Variants in EFHC2 observed in about 807,000 individuals in gnomAD.
The protein encoded by EFHC2 is EF-hand domain containing 2.
In EFHC2, 18 loss-of-function variants were observed where a neutral mutation model predicts 52.7. That is an observed-to-expected ratio of 0.34 (90% CI 0.24 to 0.51). EFHC2 has a LOEUF of 0.51. EFHC2 is among the 20% of genes least tolerant of loss of function. The probability of loss-of-function intolerance (pLI) is 0.97; values close to 1 mark genes in which losing one functional copy is unlikely to be tolerated. For synonymous variants in EFHC2, 203 were observed against 204.1 expected (o/e 0.99, Z 0.04); for missense variants, 513 against 562.5 (o/e 0.91, Z 0.89).
chrX:44,301,292 A>T (rs1419647380), intron 2 of EFHC2, among the ~76,000 whole-genome samples: 1 of 107,732 alleles, frequency 9.3e-6, no homozygotes, highest in African/African-American at 3.4e-5. Context: ...TTCCAACCTG[A>T]CCAATCAGCA....
chrX:44,157,779 C>A (rs757440813), intron 14 of EFHC2, among the ~76,000 whole-genome samples: 1 of 102,931 alleles, frequency 9.7e-6, no homozygotes, highest in Admixed American at 1.1e-4. Flanking sequence ...CCTACCCACC[C>A]CGTCAACAGT....
chrX:44,165,998 T>C (rs1220062843), intron 13 of EFHC2, among the ~76,000 whole-genome samples: 1 of 111,932 alleles, frequency 8.9e-6, no homozygotes, highest in Non-Finnish European at 1.9e-5. Context: ...GTCATCTTGG[T>C]CTTGGACATC....
At chrX:44,310,183 C>T (rs1309024514) in intron 2 of EFHC2, 19 of 706,889 alleles carry the variant, frequency 2.7e-5, no homozygotes, top group Non-Finnish European at 3.7e-5. Flanking sequence ...CAGAAGGAAG[C>T]CTCCGCCTTC....
chrX:44,172,463 G>C (rs976523309), intron 13 of EFHC2, among the ~76,000 whole-genome samples: 87 of 112,814 alleles, frequency 7.7e-4, no homozygotes, highest in African/African-American at 2.6e-3. Flanking sequence ...TCAGGAAACA[G>C]TAGAGTTGAC....
chrX:44,309,008 G>A (rs368494732), intron 2 of EFHC2, among the ~76,000 whole-genome samples: 2 of 112,817 alleles, frequency 1.8e-5, no homozygotes, highest in Non-Finnish European at 1.9e-5. Flanking sequence ...TCAACTCCCT[G>A]TGCTGGTTAA....
Position 44,295,926 on chromosome X carries a change from C to T in EFHC2, c.231+16642G>A, listed in dbSNP as rs1023008183. Among the ~76,000 whole-genome samples the T allele has an allele frequency of 2.7e-5, 3 of 111,769 alleles. No homozygotes were observed. In the East Asian group the frequency reaches 8.5e-4, roughly 31 times the overall value. ...ATAGCAATTGAAAATCCTGTTTCATCTTCACTTAGACCTCCAAGGAAAATC... is the reference window on the plus strand; with the variant it reads ...ATAGCAATTGAAAATCCTGTTTCATTTTCACTTAGACCTCCAAGGAAAATC... On this transcript the variant is annotated intron_variant, in intron 2 of 14. Coordinates refer to ENST00000420999, the MANE Select transcript of EFHC2 (RefSeq NM_025184.4).
In EFHC2 at chrX:44,248,587, A is replaced by C. The variant is rs755485941; in HGVS notation, c.973-177T>G. On this transcript the variant is annotated intron_variant, in intron 6 of 14. Transcript: ENST00000420999. The stretch of plus-strand genomic sequence containing the variant: ...TAATATTCTAAAGTATTATTTTAGC[A>C]CTGTAGTATTATACTTACAAACTGC... Among the ~76,000 whole-genome samples, 35 of 112,739 alleles carry C rather than the reference A, an allele frequency of 3.1e-4. No individual in the cohort carries two copies. The South Asian group carries it at 3.6e-3, about 12-fold the overall frequency.
chrX:44,335,922 C>T (rs1231420793), intron 1 of EFHC2, among the ~76,000 whole-genome samples: 3 of 99,013 alleles, frequency 3.0e-5, no homozygotes, highest in African/African-American at 1.1e-4. Context: ...ACTTTCAAAA[C>T]TCATCAGGCG....
intron 11 of EFHC2, among the ~76,000 whole-genome samples, chrX:44,223,064 G>A (rs2147314217): frequency 8.9e-6 from 1 of 111,896 alleles, no homozygotes; most frequent in South Asian, 3.7e-4. Flanking sequence ...TATATTTGGG[G>A]AAATTCCCAC....
intron 3 of EFHC2, among the ~76,000 whole-genome samples, chrX:44,262,607 G>A (rs752316053): frequency 9.1e-6 from 1 of 109,544 alleles, no homozygotes; most frequent in East Asian, 2.9e-4. Flanking sequence ...CTACTTGCAA[G>A]ATGAGAAGTT....
At chrX:44,203,000 C>T (rs2037018650) in intron 11 of EFHC2, among the ~76,000 whole-genome samples, 1 of 111,241 alleles carries the variant, frequency 9.0e-6, no homozygotes, top group Non-Finnish European at 1.9e-5. Flanking sequence ...CAGCAGATCT[C>T]CCCACCAGGG....
intron 1 of EFHC2, among the ~76,000 whole-genome samples, chrX:44,315,016 C>T (rs1050010198): frequency 6.8e-4 from 76 of 111,316 alleles, no homozygotes; most frequent in African/African-American, 2.4e-3. Flanking sequence ...GAGGTGGGGG[C>T]CTGGTGGGAG....
chrX:44,184,432 G>A (rs184518992), intron 11 of EFHC2, among the ~76,000 whole-genome samples: 2 of 111,771 alleles, frequency 1.8e-5, no homozygotes, highest in African/African-American at 6.5e-5. Flanking sequence ...TCTTAAAAGT[G>A]TGACCTCTGG....
intron 11 of EFHC2, among the ~76,000 whole-genome samples, chrX:44,202,961 C>A (rs781752015): frequency 1.4e-4 from 16 of 110,953 alleles, no homozygotes; most frequent in African/African-American, 4.6e-4. Context: ...CATCTCTCAC[C>A]CCTCTCCCAG....
intron 2 of EFHC2, among the ~76,000 whole-genome samples, chrX:44,279,211 G>A (rs749447456): frequency 5.4e-5 from 6 of 111,806 alleles, no homozygotes; most frequent in Admixed American, 3.8e-4. Flanking sequence ...GGGCCTGGTG[G>A]TGCATGCCTG....
chrX:44,184,707 G>A (rs1356283939), intron 11 of EFHC2, among the ~76,000 whole-genome samples: 1 of 82,479 alleles, frequency 1.2e-5, no homozygotes, highest in Non-Finnish European at 2.2e-5. Flanking sequence ...TGGGCAATAA[G>A]AGCAAAATTC....
intron 1 of EFHC2, among the ~76,000 whole-genome samples, chrX:44,314,607 G>GTC (rs1218916753): frequency 8.2e-5 from 9 of 110,297 alleles, no homozygotes; most frequent in African/African-American, 2.3e-4. Context: ...CTCTCTCTCT[G>GTC]TCTCTCTCTC....
chrX:44,341,511 C>T (rs2038151602), intron 1 of EFHC2, among the ~76,000 whole-genome samples: 1 of 112,248 alleles, frequency 8.9e-6, no homozygotes, highest in African/African-American at 3.2e-5. Context: ...TGCAGTAATG[C>T]AATCATGGCT....
rs180783096 is a variant in EFHC2 at position 44,298,437 on chromosome X, A to G, written c.231+14131T>C. Among the ~76,000 whole-genome samples, 112 of 112,017 alleles carry G rather than the reference A, an allele frequency of 1.0e-3. 1 individual carries two copies. Among genetic ancestry groups the G allele is most frequent in the African/African-American group, 3.4e-3 (106 of 30,898 alleles). On this transcript the variant is annotated intron_variant, in intron 2 of 14. Transcript: ENST00000420999. ...AGCTATGGTGATAGAAGTCAGAACA[A>G]TGGGAAAGGGCTAAACGAATTGGGG...
Sources: gnomAD v4.1 joint callset for allele counts (sites outside exome capture counted in the v4.1 genomes callset) on GRCh38, gnomAD v4.1.1 for gene constraint, MANE v1.5 for transcripts, NCBI Gene and HGNC (gene_info 2026-07-23, HGNC 2026-07-21) for gene names.